The following GUCY2F variants were observed in gnomAD, a reference collection of about 807,000 sequenced individuals.
GUCY2F encodes retinal guanylyl cyclase 2.
GUCY2F carries 61 observed loss-of-function variants against 73.1 expected under a neutral mutation model. The observed-to-expected ratio is 0.83, with a 90% CI of 0.68 to 1.03. The LOEUF is 1.03. Among genes scored for constraint, GUCY2F ranks in the 50% least tolerant of loss-of-function variants. The probability of loss-of-function intolerance (pLI) is 0.00; values close to 1 mark genes in which losing one functional copy is unlikely to be tolerated. For missense variants in GUCY2F, 912 were observed against 854.3 expected (o/e 1.07, Z -0.84); for synonymous variants, 331 against 307.8 (o/e 1.08, Z -0.79).
intron 3 of GUCY2F, among the ~76,000 whole-genome samples, chrX:109,454,523 A>G (rs914089554): frequency 8.9e-6 from 1 of 111,933 alleles, no homozygotes; most frequent in Non-Finnish European, 1.9e-5. Context: ...TTTTAGTCAG[A>G]AAACCTATTG....
intron 8 of GUCY2F, 21 bp downstream of exon 8, chrX:109,430,286 A>T: frequency 6.1e-6 from 5 of 817,023 alleles, no homozygotes; most frequent in Non-Finnish European, 9.3e-6. Flanking sequence ...GGGAATTTAC[A>T]TAAACGAAGA....
chrX:109,404,294 C>T (rs750480394), intron 10 of GUCY2F, 34 bp downstream of exon 10: 8 of 1,042,492 alleles, frequency 7.7e-6, no homozygotes, highest in African/African-American at 1.9e-5. Flanking sequence ...GGAGTTACCT[C>T]GTGTGCATCA....
chrX:109,457,673 G>A lies in GUCY2F; in HGVS notation c.1033-3814C>T, dbSNP rs144428244. On this transcript the variant is annotated intron_variant, in intron 3 of 19. Transcript: ENST00000218006. ...CTTTTCTGACAACCTTGTTTGGTGGGCCCCATTCTGGAATGTTCCAGTCCT... is the reference window on the plus strand; with the variant it reads ...CTTTTCTGACAACCTTGTTTGGTGGACCCCATTCTGGAATGTTCCAGTCCT... 2.0e-3 allele frequency among the ~76,000 whole-genome samples: 221 copies of A among 111,100 alleles called. 2 individuals are homozygous for A. The highest frequency in any genetic ancestry group is 7.1e-3 in the African/African-American group (217 of 30,560).
intron 8 of GUCY2F, among the ~76,000 whole-genome samples, chrX:109,414,889 G>A (rs750095619): frequency 1.8e-5 from 2 of 111,823 alleles, no homozygotes; most frequent in Non-Finnish European, 3.8e-5. Context: ...CTTAAGCAGA[G>A]CGGTTGAGGG....
At chrX:109,432,292 C>G (rs772959818) in intron 7 of GUCY2F, among the ~76,000 whole-genome samples, 2 of 112,179 alleles carry the variant, frequency 1.8e-5, no homozygotes, top group Admixed American at 1.9e-4. Flanking sequence ...ACTACGTTTC[C>G]TTCATCAAAA....
At chrX:109,431,427 G>T (rs1195844684) in intron 7 of GUCY2F, among the ~76,000 whole-genome samples, 1 of 111,487 alleles carries the variant, frequency 9.0e-6, no homozygotes, top group Non-Finnish European at 1.9e-5. Flanking sequence ...GGCCGGGCGC[G>T]GTGGCTCACG....
chrX:109,481,797 C>T (rs1230697477), intron 1 of GUCY2F, 69 bp downstream of exon 1: 1 of 110,113 alleles, frequency 9.1e-6, no homozygotes, highest in East Asian at 2.8e-4. Flanking sequence ...GTCTCAGCTC[C>T]CAGGTGGGCT....
chrX:109,410,108 C>T (rs773659224), intron 8 of GUCY2F, among the ~76,000 whole-genome samples: 2 of 111,851 alleles, frequency 1.8e-5, no homozygotes, highest in East Asian at 2.8e-4. Flanking sequence ...CCAGCTGAGT[C>T]GGCATTGACT....
chrX:109,425,674 A>G (rs745337049), intron 8 of GUCY2F, among the ~76,000 whole-genome samples: 1 of 109,717 alleles, frequency 9.1e-6, no homozygotes, highest in Non-Finnish European at 1.9e-5. Flanking sequence ...GGGGCGAGAG[A>G]TAAACGACTA....
At chrX:109,451,143 C>T (rs1932126292) in intron 5 of GUCY2F, among the ~76,000 whole-genome samples, 1 of 111,795 alleles carries the variant, frequency 8.9e-6, no homozygotes, top group South Asian at 3.7e-4. Context: ...TTATTTTTCA[C>T]TTTCCCCCAA....
At chrX:109,381,874 ACTTACAG>A (rs1930318991) in intron 17 of GUCY2F, among the ~76,000 whole-genome samples, 1 of 112,739 alleles carries the variant, frequency 8.9e-6, no homozygotes, top group Non-Finnish European at 1.9e-5. Context: ...GAAAGATACA[ACTTACAG>A]TCTGAAAAAT....
chrX:109,395,202 C>T, intron 12 of GUCY2F, 139 bp downstream of exon 12: 1 of 484,671 alleles, frequency 2.1e-6, no homozygotes, highest in Non-Finnish European at 3.5e-6. Context: ...TAGCCACTCC[C>T]AGGCTGTTCC....
rs746562562 is a variant in GUCY2F at position 109,377,797 on chromosome X, A to G, written c.3151-1630T>C. Among the ~76,000 whole-genome samples the G allele has an allele frequency of 1.3e-4, 15 of 111,733 alleles. No homozygotes were observed. In the East Asian group the frequency reaches 3.7e-3, roughly 28 times the overall value. On this transcript the variant is annotated intron_variant, in intron 17 of 19. Transcript: ENST00000218006. ...AGGGAGCTTTGTAGAGGGATTGTCC[A>G]AAGATTTGGGTGGGTCTTAGGACAC...
At chrX:109,428,753 G>T (rs1335020466) in intron 8 of GUCY2F, among the ~76,000 whole-genome samples, 5 of 111,848 alleles carry the variant, frequency 4.5e-5, no homozygotes, top group Non-Finnish European at 9.4e-5. Context: ...AGGGCATAGG[G>T]TCTACAACTT....
intron 2 of GUCY2F, among the ~76,000 whole-genome samples, chrX:109,473,312 G>T (rs1291586435): frequency 9.0e-6 from 1 of 111,511 alleles, no homozygotes; most frequent in Non-Finnish European, 1.9e-5. Flanking sequence ...TTAGTGAGCA[G>T]ATCTGTACTG....
At chrX:109,446,833 C>T (rs749316706) in intron 6 of GUCY2F, among the ~76,000 whole-genome samples, 3 of 111,807 alleles carry the variant, frequency 2.7e-5, no homozygotes, top group Non-Finnish European at 5.6e-5. Context: ...TCAGAGTGAA[C>T]AGGCAACCTA....
chrX:109,455,302 A>T (rs770037239), intron 3 of GUCY2F, among the ~76,000 whole-genome samples: 1 of 112,191 alleles, frequency 8.9e-6, no homozygotes, highest in East Asian at 2.8e-4. Context: ...AAAGTCATTT[A>T]TCAGCTTTCT....
intron 15 of GUCY2F, among the ~76,000 whole-genome samples, chrX:109,386,491 C>T (rs780051407): frequency 4.8e-4 from 54 of 111,477 alleles, no homozygotes; most frequent in Non-Finnish European, 9.6e-4. Flanking sequence ...ACATGGCTCA[C>T]GAGAAACTGG....
At chrX:109,447,963 T>C in intron 6 of GUCY2F, 106 bp downstream of exon 6, 1 of 424,028 alleles carries the variant, frequency 2.4e-6, no homozygotes, top group South Asian at 5.6e-5. Flanking sequence ...TTTACTCTTA[T>C]AGCACATCAC....
Sources: gnomAD v4.1 joint callset for allele counts (sites outside exome capture counted in the v4.1 genomes callset) on GRCh38, gnomAD v4.1.1 for gene constraint, MANE v1.5 for transcripts, NCBI Gene and HGNC (gene_info 2026-07-23, HGNC 2026-07-21) for gene names.